PTPN4: variants seen among roughly 807,000 people sequenced by gnomAD.
PTPN4 encodes tyrosine-protein phosphatase non-receptor type 4.
A neutral mutation model predicts 135.5 loss-of-function variants in PTPN4; 49 were observed. The ratio of observed to expected loss-of-function variants is 0.36; its 90% CI spans 0.29 to 0.46. PTPN4 has a LOEUF of 0.46. Among genes scored for constraint, PTPN4 ranks in the 20% least tolerant of loss-of-function variants. The pLI, the probability that PTPN4 is intolerant of heterozygous loss-of-function variation, is 1.00. For synonymous variants in PTPN4, 333 were observed against 369.9 expected, an observed-to-expected ratio of 0.90 and a Z score of 1.14; for missense variants, 860 against 1,101.0, an observed-to-expected ratio of 0.78 and a Z score of 3.10.
At chr2:119,972,175 T>TAAAA (rs34997921) in intron 26 of PTPN4, among the ~76,000 whole-genome samples, 1 of 149,976 alleles carries the variant, frequency 6.7e-6, no homozygotes. Flanking sequence ...TCTGAAAAAA[T>TAAAA]AAAAAAAAAA....
intron 2 of PTPN4, among the ~76,000 whole-genome samples, chr2:119,848,575 A>T (rs2968773): frequency 0.41 from 62,210 of 151,534 alleles, 14,770 homozygotes; most frequent in African/African-American, 0.67. Context: ...GTGCTTGCAT[A>T]TCTCTGAGGC....
chr2:119,972,449 A>G (rs192342920), intron 26 of PTPN4, among the ~76,000 whole-genome samples: 376 of 152,154 alleles, frequency 2.5e-3, no homozygotes, highest in African/African-American at 8.5e-3. Flanking sequence ...TGTGTGAGAG[A>G]GTGAATTTCT....
chr2:119,774,933 C>A (rs988534580), intron 1 of PTPN4, among the ~76,000 whole-genome samples: 1 of 151,568 alleles, frequency 6.6e-6, no homozygotes, highest in Admixed American at 6.6e-5. Flanking sequence ...GCAGGAGTCG[C>A]ATGAACCTGG....
intron 18 of PTPN4, among the ~76,000 whole-genome samples, chr2:119,949,776 G>A (rs558704495): frequency 1.7e-4 from 26 of 152,142 alleles, no homozygotes; most frequent in African/African-American, 6.0e-4. Flanking sequence ...CCAGGAGATC[G>A]AGGCTGTAGT....
At chr2:119,912,848 G>A (rs961460588) in intron 10 of PTPN4, among the ~76,000 whole-genome samples, 3 of 152,060 alleles carry the variant, frequency 2.0e-5, no homozygotes, top group Non-Finnish European at 2.9e-5. Context: ...AGATAACCTT[G>A]TAATTATTAG....
chr2:119,919,552 G>A (rs531746991), intron 11 of PTPN4, among the ~76,000 whole-genome samples: 4 of 152,182 alleles, frequency 2.6e-5, no homozygotes, highest in South Asian at 4.2e-4. Context: ...AGGCCAGCAC[G>A]GGGGCTCATG....
intron 9 of PTPN4, among the ~76,000 whole-genome samples, chr2:119,898,876 C>T (rs1678363589): frequency 6.6e-6 from 1 of 152,072 alleles, no homozygotes; most frequent in Admixed American, 6.5e-5. Flanking sequence ...ATTTTTTAAA[C>T]TTGTTTTTCT....
chr2:119,864,751 A>G (rs1219158888), intron 3 of PTPN4, among the ~76,000 whole-genome samples: 1 of 152,162 alleles, frequency 6.6e-6, no homozygotes, highest in African/African-American at 2.4e-5. Flanking sequence ...TTACACCAGA[A>G]TGAATGTAGG....
chr2:119,785,211 CCT>C (rs1268623146), intron 1 of PTPN4, among the ~76,000 whole-genome samples: 1 of 152,126 alleles, frequency 6.6e-6, no homozygotes, highest in Non-Finnish European at 1.5e-5. Context: ...CAAACTTGCC[CCT>C]GTTTGAGAAC....
At chr2:119,877,300 A>G (rs1677999300) in intron 3 of PTPN4, 23 bp from the exon 4 acceptor site, 1 of 1,601,062 alleles carries the variant, frequency 6.2e-7, no homozygotes, top group Admixed American at 1.7e-5. Flanking sequence ...AAAAGAAATC[A>G]GTTTTATTTA....
intron 2 of PTPN4, among the ~76,000 whole-genome samples, chr2:119,845,253 GGAGGGGGAGGGGGAGGGAGAGGGA>G (rs1677476231): frequency 1.4e-5 from 1 of 71,604 alleles, no homozygotes; most frequent in Non-Finnish European, 2.9e-5. Flanking sequence ...AGGGGGAGGG[GGAGGGGGAGGGGGAGGGAGAGGGA>G]GAGGGAGAGG....
chr2:119,814,207 G>C (rs1214921335), intron 2 of PTPN4, among the ~76,000 whole-genome samples: 1 of 152,180 alleles, frequency 6.6e-6, no homozygotes, highest in Non-Finnish European at 1.5e-5. Context: ...CTGAGTGAGA[G>C]GAAGGGATTG....
At chr2:119,975,219 C>G (rs1274481280) in intron 26 of PTPN4, among the ~76,000 whole-genome samples, 1 of 152,172 alleles carries the variant, frequency 6.6e-6, no homozygotes, top group Non-Finnish European at 1.5e-5. Flanking sequence ...TCAAATGTTC[C>G]TCCCATCTCC....
intron 1 of PTPN4, among the ~76,000 whole-genome samples, chr2:119,790,710 A>G (rs1691129126): frequency 6.6e-6 from 1 of 152,012 alleles, no homozygotes; most frequent in Non-Finnish European, 1.5e-5. Context: ...AACCAGCACC[A>G]TTTTGCAAAT....
chr2:119,819,499 AC>A, intron 2 of PTPN4, among the ~76,000 whole-genome samples: 1 of 152,288 alleles, frequency 6.6e-6, no homozygotes, highest in Middle Eastern at 3.4e-3. Context: ...TGTTTACTTG[AC>A]CCAGATAGTT....
rs1486869036 is a variant in PTPN4, at chr2:119,945,197, T to G, written c.1472T>G (p.Ile491Ser). 4 of 1,593,956 alleles carry G rather than the reference T, an allele frequency of 2.5e-6. No homozygotes were observed. The highest frequency in any genetic ancestry group is 2.6e-6 in the Non-Finnish European group (3 of 1,171,802). Reference sequence around the variant, plus strand: ...TCGCAACAAGATCTAGAAAGTCATATTAATGAAACATTTGATATTCCATCT... The same window carrying G: ...TCGCAACAAGATCTAGAAAGTCATAGTAATGAAACATTTGATATTCCATCT... ...SHSQQDLESH[I>S]NETFDIPSSP... The change falls in exon 16 of 27, where the codon ATT becomes AGT. Residue 491 changes from isoleucine (I) to serine (S), a missense_variant. By Grantham distance (142) the Ile-to-Ser change is moderately radical. This residue lies in a region of PTPN4 where 684 missense variants were observed against 807.0 expected (regional missense o/e 0.85). Coordinates refer to ENST00000263708, the MANE Select transcript of PTPN4 (RefSeq NM_002830.4).
chr2:119,970,962 T>G (rs1221303794), intron 26 of PTPN4, among the ~76,000 whole-genome samples: 2 of 152,222 alleles, frequency 1.3e-5, no homozygotes, highest in Admixed American at 6.5e-5. Context: ...CGTGTTACTG[T>G]CTTTTTTTAT....
At chr2:119,934,109 A>G (rs1000290006) in intron 14 of PTPN4, among the ~76,000 whole-genome samples, 16 of 152,222 alleles carry the variant, frequency 1.1e-4, no homozygotes, top group Admixed American at 3.9e-4. Context: ...ATCTAAAAAG[A>G]TTTTTTAAAA....
chr2:119,911,136 C>A (rs1342036013), intron 10 of PTPN4, among the ~76,000 whole-genome samples: 1 of 151,910 alleles, frequency 6.6e-6, no homozygotes, highest in Non-Finnish European at 1.5e-5. Flanking sequence ...CTCTTTTAGA[C>A]AATAAAGAAG....
Sources: allele counts gnomAD v4.1 joint callset (sites outside exome capture counted in the v4.1 genomes callset), GRCh38; gene constraint gnomAD v4.1.1; regional missense constraint gnomAD v4.1.1; transcripts MANE v1.5; gene names NCBI Gene and HGNC (gene_info 2026-07-23, HGNC 2026-07-21).